Variants in BSN observed in about 807,000 individuals in gnomAD.
The protein encoded by BSN is protein bassoon.
BSN carries 57 observed loss-of-function variants against 264.8 expected under a neutral mutation model. That is an observed-to-expected ratio of 0.22 (90% CI 0.17 to 0.27). The LOEUF (loss-of-function observed/expected upper bound fraction) is 0.27. Ranked by LOEUF, BSN falls within the 10% of genes least tolerant of loss-of-function variation. BSN has a pLI of 1.00. For synonymous variants in BSN, 2,059 were observed against 2,137.3 expected, an observed-to-expected ratio of 0.96 and a Z score of 1.01; for missense variants, 4,615 against 5,232.5, an observed-to-expected ratio of 0.88 and a Z score of 3.64.
chr3:49,619,983 CT>C (rs35155148), intron 1 of BSN, among the ~76,000 whole-genome samples: 122,948 of 151,972 alleles, frequency 0.81, 50,211 homozygotes, highest in East Asian at 0.99. Flanking sequence ...CCACACAGAA[CT>C]GGCAGTTTAA....
At position 49,656,142 on chromosome 3, in the gene BSN, T is replaced by G; in HGVS notation, c.6586T>G (p.Ser2196Ala). ...ACGTGCAGCTGATGGCATGATCTAC[T>G]CGACTATCAATACCCCAATTGCTGC... Reference protein sequence around the residue: ...TVRAADGMIYSTINTPIAATL... With the variant: ...TVRAADGMIYATINTPIAATL... The change falls in exon 5 of 12, where the codon TCG becomes GCG. Residue 2196 changes from serine to alanine, a missense_variant. Transcript: ENST00000296452. The G allele has an allele frequency of 6.2e-7, 1 of 1,613,068 alleles. No individual in the cohort carries two copies. Among genetic ancestry groups the G allele is most frequent in the Non-Finnish European group, 8.5e-7 (1 of 1,179,982 alleles).
intron 2 of BSN, among the ~76,000 whole-genome samples, chr3:49,629,512 A>G (rs181519442): frequency 4.3e-4 from 66 of 152,374 alleles, no homozygotes; most frequent in South Asian, 4.1e-4. Context: ...GCCTGCTTCT[A>G]TAGGCTTCTC....
chr3:49,591,959 C>T (rs1269378940), intron 1 of BSN, among the ~76,000 whole-genome samples: 1 of 151,894 alleles, frequency 6.6e-6, no homozygotes, highest in Non-Finnish European at 1.5e-5. Flanking sequence ...AAGTTGAGAG[C>T]CAAAGACAGA....
Position 49,656,733 on chromosome 3 carries a change from G to A in BSN, c.7177G>A (p.Glu2393Lys). 4 of 1,577,168 alleles carry A rather than the reference G, an allele frequency of 2.5e-6. No individual in the cohort carries two copies. The highest frequency in any genetic ancestry group is 3.4e-6 in the Non-Finnish European group (4 of 1,160,936). The part of the protein sequence containing the change: ...EKLRQLRLQE[E>K]LERERVELQR... ...GCTGCGACAACTTCGGCTGCAAGAGGAGCTAGAGCGGGAACGTGTGGAGCT... is the reference window on the plus strand; with the variant it reads ...GCTGCGACAACTTCGGCTGCAAGAGAAGCTAGAGCGGGAACGTGTGGAGCT... Residue 2393 changes from glutamate (E) to lysine (K), a missense_variant, in exon 5 of 12, where the codon GAG (glutamate) becomes AAG (lysine). By Grantham distance (56) the Glu-to-Lys change is moderately conservative (BLOSUM62 1). Coordinates refer to ENST00000296452, the MANE Select transcript of BSN (RefSeq NM_003458.4).
intron 1 of BSN, among the ~76,000 whole-genome samples, chr3:49,564,542 G>C (rs1222422716): frequency 6.6e-6 from 1 of 152,272 alleles, no homozygotes; most frequent in East Asian, 1.9e-4. Context: ...CCCTTCCTAG[G>C]CCCTGTGAGC....
chr3:49,663,536 C>T lies in BSN; in HGVS notation c.11378C>T (p.Ala3793Val). Residue 3793 changes from alanine (A) to valine (V), a missense_variant, in exon 7 of 12, where the codon GCT becomes GTT. By Grantham distance (64) the Ala-to-Val change is moderately conservative. This residue lies in a region of BSN where 3,415 missense variants were observed against 3,866.4 expected (regional missense o/e 0.88). Coordinates refer to ENST00000296452, the MANE Select transcript of BSN (RefSeq NM_003458.4). ...QGLGLQPPQQALTQARLQQQS... is the reference protein window; with the variant it reads ...QGLGLQPPQQVLTQARLQQQS... ...CTTGGGCTGCAGCCCCCACAGCAGG[C>T]TCTGACACAGGCTCGGCTGCAGCAA... 1 of 1,612,438 alleles carries T rather than the reference C, an allele frequency of 6.2e-7. No individual in the cohort carries two copies.
Position 49,657,459 on chromosome 3 carries a change from C to T in BSN, c.7903C>T (p.Arg2635Cys), listed in dbSNP as rs762860512. 3.7e-5 allele frequency: 60 copies of T among 1,612,902 alleles called. 1 individual carries two copies. The highest frequency in any genetic ancestry group is 6.7e-5 in the African/African-American group (5 of 74,930). Reference protein sequence around the residue: ...PVRRRRSRLPRHSDSGSDSKH... With the variant: ...PVRRRRSRLPCHSDSGSDSKH... ...GCGCCGCCGCAGGTCTCGTCTTCCC[C>T]GCCACTCAGACTCAGGCTCTGACAG... The change falls in exon 5 of 12, where the codon CGC becomes TGC. Residue 2635 changes from arginine to cysteine, a missense_variant. Around this residue, in one of 3 missense-constraint regions of BSN, gnomAD observed 3,415 missense variants for 3,866.4 expected, o/e 0.88. Coordinates refer to ENST00000296452, the MANE Select transcript of BSN (RefSeq NM_003458.4).
chr3:49,620,361 G>T (rs1012677175), intron 1 of BSN, among the ~76,000 whole-genome samples: 1 of 151,812 alleles, frequency 6.6e-6, no homozygotes, highest in Non-Finnish European at 1.5e-5. Flanking sequence ...GGAGGCGGAG[G>T]TTGCCGTGAG....
chr3:49,641,966 G>T (rs942770682), intron 2 of BSN, among the ~76,000 whole-genome samples: 8 of 151,328 alleles, frequency 5.3e-5, no homozygotes, highest in African/African-American at 1.9e-4. Flanking sequence ...CTGAGGCACT[G>T]CCAGGGGGTG....
intron 1 of BSN, among the ~76,000 whole-genome samples, chr3:49,605,209 C>T (rs967349094): frequency 7.2e-6 from 1 of 138,014 alleles, no homozygotes; most frequent in African/African-American, 2.7e-5. Flanking sequence ...GCAGTGGAGA[C>T]CATGCCATTG....
intron 1 of BSN, among the ~76,000 whole-genome samples, chr3:49,616,937 A>G (rs1022075795): frequency 6.6e-6 from 1 of 152,144 alleles, no homozygotes; most frequent in African/African-American, 2.4e-5. Context: ...GGGAGAGGCT[A>G]ACTGAATTTT....
chr3:49,557,254 T>C (rs1468941582), intron 1 of BSN, among the ~76,000 whole-genome samples: 1 of 152,196 alleles, frequency 6.6e-6, no homozygotes. Flanking sequence ...CAAGGAGTGC[T>C]GGTTTGGGAG....
intron 1 of BSN, among the ~76,000 whole-genome samples, chr3:49,565,913 A>C (rs1470123209): frequency 6.6e-6 from 1 of 151,646 alleles, no homozygotes; most frequent in Non-Finnish European, 1.5e-5. Flanking sequence ...CCTCCACCTC[A>C]CGGGTTCAAG....
chr3:49,661,031 G>A lies in BSN; in HGVS notation c.9186G>A (p.Gln3062=), dbSNP rs1325536067. The change falls in exon 6 of 12, where the codon CAG becomes CAA. Residue 3062 remains glutamine, a synonymous_variant. Coordinates refer to ENST00000296452, the MANE Select transcript of BSN (RefSeq NM_003458.4). The part of the protein sequence containing the change: ...QQPRFQPPAP[Q]YSAGSGGPTQ... ...CCCGCTTCCAGCCTCCAGCCCCACA[G>A]TATTCTGCAGGCAGTGGTGGGCCAA... The A allele has an allele frequency of 1.3e-5, 21 of 1,611,138 alleles. No individual in the cohort carries two copies. The highest frequency in any genetic ancestry group is 1.8e-5 in the Non-Finnish European group (21 of 1,179,856).
chr3:49,653,233 C>A lies in BSN; in HGVS notation c.3677C>A (p.Ser1226Tyr). The A allele has an allele frequency of 1.2e-6, 2 of 1,612,420 alleles. No individual in the cohort carries two copies. Among genetic ancestry groups the A allele is most frequent in the Non-Finnish European group, 1.7e-6 (2 of 1,179,844 alleles). The change falls in exon 5 of 12, where the codon TCC becomes TAC. Residue 1226 changes from serine (S) to tyrosine (Y), a missense_variant. By Grantham distance (144) the Ser-to-Tyr change is moderately radical. Around this residue, in one of 3 missense-constraint regions of BSN, gnomAD observed 3,415 missense variants for 3,866.4 expected, o/e 0.88. Transcript: ENST00000296452. The surrounding 1 kb of genome is among the most constrained non-coding windows in gnomAD (Gnocchi z 6.3). ...CCCACAGGCCCCCGGGGCCTGGGCTCCTTCGAATATCAAGACACTACAGAC... is the reference window on the plus strand; with the variant it reads ...CCCACAGGCCCCCGGGGCCTGGGCTACTTCGAATATCAAGACACTACAGAC... The part of the protein sequence containing the change: ...SQPTGPRGLG[S>Y]FEYQDTTDRE...
At chr3:49,627,053 G>A (rs1389948934) in intron 2 of BSN, among the ~76,000 whole-genome samples, 2 of 152,254 alleles carry the variant, frequency 1.3e-5, no homozygotes. Context: ...TCAGGGCCAG[G>A]AGAAGATGGG....
In BSN at chr3:49,660,636, A is replaced by G. The variant is rs2052645978; in HGVS notation, c.8791A>G (p.Thr2931Ala). The G allele has an allele frequency of 6.2e-7, 1 of 1,612,990 alleles. No individual in the cohort carries two copies. The highest frequency in any genetic ancestry group is 8.5e-7 in the Non-Finnish European group (1 of 1,179,912). The change falls in exon 6 of 12, where the codon ACC becomes GCC. Residue 2931 changes from threonine to alanine, a missense_variant. Thr to Ala is a moderately conservative substitution (Grantham distance 58, BLOSUM62 0). Coordinates refer to ENST00000296452, the MANE Select transcript of BSN (RefSeq NM_003458.4). The surrounding 1 kb of genome is among the most constrained non-coding windows in gnomAD (Gnocchi z 7.1). ...SLLQRGLTGP[T>A]TVPATKASLL... is the part of the protein sequence containing the mutation. ...GCTGCAGCGAGGGCTGACGGGGCCCACCACTGTCCCTGCTACCAAGGCCAG... is the reference window on the plus strand; with the variant it reads ...GCTGCAGCGAGGGCTGACGGGGCCCGCCACTGTCCCTGCTACCAAGGCCAG...
At chr3:49,637,278 T>A (rs1479244338) in intron 2 of BSN, among the ~76,000 whole-genome samples, 2 of 151,946 alleles carry the variant, frequency 1.3e-5, no homozygotes, top group Non-Finnish European at 2.9e-5. Flanking sequence ...GAAGAGAACA[T>A]GTGACTTCGG....
intron 1 of BSN, among the ~76,000 whole-genome samples, chr3:49,599,255 T>C (rs1347852828): frequency 2.0e-5 from 3 of 152,212 alleles, no homozygotes; most frequent in African/African-American, 4.8e-5. Flanking sequence ...CCTGCTCTGA[T>C]TGCTCATGAG....
Sources: allele counts gnomAD v4.1 joint callset (sites outside exome capture counted in the v4.1 genomes callset), GRCh38; gene constraint gnomAD v4.1.1; regional missense constraint gnomAD v4.1.1; non-coding constraint Gnocchi (gnomAD v3.1); transcripts MANE v1.5; gene names NCBI Gene and HGNC (gene_info 2026-07-23, HGNC 2026-07-21).